The following TRIM37 variants were observed in gnomAD, a reference collection of about 807,000 sequenced individuals.
TRIM37 encodes E3 ubiquitin-protein ligase TRIM37.
Under a neutral mutation model 129.8 loss-of-function variants are expected in TRIM37, and 80 were observed. The ratio of observed to expected loss-of-function variants is 0.62; its 90% CI spans 0.51 to 0.74. TRIM37 has a LOEUF of 0.74. Among genes scored for constraint, TRIM37 ranks in the 30% least tolerant of loss-of-function variants. TRIM37 has a pLI of 0.00. For missense variants in TRIM37, 1,054 were observed against 1,176.5 expected, an observed-to-expected ratio of 0.90 and a Z score of 1.52; for synonymous variants, 389 against 387.1, an observed-to-expected ratio of 1.00 and a Z score of -0.06.
intron 19 of TRIM37, among the ~76,000 whole-genome samples, chr17:59,018,644 A>G (rs2036222853): frequency 6.6e-6 from 1 of 152,154 alleles, no homozygotes; most frequent in Non-Finnish European, 1.5e-5. Flanking sequence ...TGATTAGAAT[A>G]CTTAATACTG....
chr17:59,000,504 G>A (rs2033571999), intron 23 of TRIM37, among the ~76,000 whole-genome samples: 1 of 152,160 alleles, frequency 6.6e-6, no homozygotes, highest in Non-Finnish European at 1.5e-5. Context: ...AGGAGGCTGA[G>A]GTGGGAGAAT....
chr17:58,996,062 T>C (rs1485601756), downstream of TRIM37, among the ~76,000 whole-genome samples: 1 of 152,084 alleles, frequency 6.6e-6, no homozygotes, highest in Non-Finnish European at 1.5e-5. Context: ...TCAAAGTATC[T>C]GCCCCAAATA....
rs1914693980 is a variant in TRIM37 at position 59,010,547 on chromosome 17, G to C, written c.2695+1781C>G. Among the ~76,000 whole-genome samples the C allele has an allele frequency of 2.0e-5, 3 of 152,164 alleles. No homozygotes were observed. The South Asian group carries it at 6.2e-4, about 32-fold the overall frequency. ...CTCACTCTGTCGTCCAGGCTGGAGT[G>C]CAGTGGCGTGATCTCAGCTCACTGC... On this transcript the variant is annotated intron_variant, in intron 22 of 23. Transcript: ENST00000262294.
the TRIM37 span, among the ~76,000 whole-genome samples, chr17:58,973,520 A>G: frequency 5.4e-4 from 82 of 151,868 alleles, no homozygotes; most frequent in Admixed American, 5.4e-3. Context: ...TCTGCTTCAA[A>G]CCACAGTGGT....
chr17:59,093,148 T>C (rs549898664), intron 2 of TRIM37, among the ~76,000 whole-genome samples: 1 of 152,104 alleles, frequency 6.6e-6, no homozygotes, highest in East Asian at 1.9e-4. Flanking sequence ...TGATTCTGTC[T>C]CAAAAAATAA....
At chr17:59,027,703 C>G (rs753372246) in intron 19 of TRIM37, among the ~76,000 whole-genome samples, 1 of 152,160 alleles carries the variant, frequency 6.6e-6, no homozygotes, top group Non-Finnish European at 1.5e-5. Context: ...TATAAACACC[C>G]CTTATTTTTA....
chr17:59,075,334 C>A (rs913399255), intron 8 of TRIM37, among the ~76,000 whole-genome samples: 1 of 151,892 alleles, frequency 6.6e-6, no homozygotes, highest in Non-Finnish European at 1.5e-5. Flanking sequence ...GAGGCTGAGG[C>A]GGGCAGATCA....
chr17:58,970,407 T>C, the TRIM37 span, among the ~76,000 whole-genome samples: 9 of 152,186 alleles, frequency 5.9e-5, no homozygotes, highest in African/African-American at 1.2e-4. Context: ...CAGTGTTCTA[T>C]ATTGGATTTT....
intron 18 of TRIM37, among the ~76,000 whole-genome samples, chr17:59,030,515 T>C (rs2037733457): frequency 6.6e-6 from 1 of 152,226 alleles, no homozygotes; most frequent in African/African-American, 2.4e-5. Flanking sequence ...TTCTACTATT[T>C]TCCCCGCCCT....
At chr17:59,027,220 C>T (rs1308415344) in intron 19 of TRIM37, among the ~76,000 whole-genome samples, 1 of 152,016 alleles carries the variant, frequency 6.6e-6, no homozygotes, top group East Asian at 1.9e-4. Context: ...AAAAGAATAC[C>T]CAACTTTCTG....
At chr17:59,077,165 G>A (rs1424487296) in intron 7 of TRIM37, among the ~76,000 whole-genome samples, 1 of 151,880 alleles carries the variant, frequency 6.6e-6, no homozygotes, top group Non-Finnish European at 1.5e-5. Context: ...CGTGATCTCG[G>A]CTCACTGCAA....
intron 8 of TRIM37, among the ~76,000 whole-genome samples, chr17:59,072,775 T>C (rs960549465): frequency 1.3e-5 from 2 of 151,418 alleles, no homozygotes; most frequent in Non-Finnish European, 2.9e-5. Flanking sequence ...TCATATATCA[T>C]ATGATATATA....
Position 59,047,746 on chromosome 17 carries a change from C to T in TRIM37, c.1604G>A (p.Ser535Asn). The T allele has an allele frequency of 6.2e-7, 1 of 1,614,076 alleles. No individual in the cohort carries two copies. The highest frequency in any genetic ancestry group is 8.5e-7 in the Non-Finnish European group (1 of 1,180,000). Residue 535 changes from serine (S) to asparagine (N), a missense_variant, in exon 16 of 24, where the codon AGT becomes AAT. Physicochemically the swap from Ser to Asn is conservative, Grantham distance 46. Transcript: ENST00000262294. ...TGTTGCTGTGGAACTAGCAGAGGAA[C>T]TGCTGCCATCGAGCTGATTTACTTC... Reference protein sequence around the residue: ...EDEVNQLDGSSSSASSTATSN... With the variant: ...EDEVNQLDGSNSSASSTATSN...
chr17:59,004,457 CAT>C (rs928368136), intron 22 of TRIM37, among the ~76,000 whole-genome samples: 4 of 151,602 alleles, frequency 2.6e-5, no homozygotes, highest in Non-Finnish European at 4.4e-5. Flanking sequence ...TAATAAAAAA[CAT>C]AATAAAATCA....
intron 17 of TRIM37, 106 bp from the exon 18 acceptor site, chr17:59,032,196 T>A (rs2037924600): frequency 8.2e-7 from 1 of 1,214,950 alleles, no homozygotes; most frequent in Non-Finnish European, 1.2e-6. Context: ...TATGGACCTA[T>A]CTCTTAGGAG....
intron 18 of TRIM37, among the ~76,000 whole-genome samples, chr17:59,029,013 C>G (rs944087118): frequency 6.6e-6 from 1 of 152,098 alleles, no homozygotes; most frequent in Non-Finnish European, 1.5e-5. Context: ...CTTTAAACTT[C>G]TCCACTTTTC....
intron 22 of TRIM37, among the ~76,000 whole-genome samples, chr17:59,010,908 C>T (rs1371833291): frequency 2.0e-5 from 3 of 152,070 alleles, no homozygotes; most frequent in Non-Finnish European, 4.4e-5. Flanking sequence ...TGGTGGCTCA[C>T]GCCTGTAATC....
intron 24 of TRIM37, among the ~76,000 whole-genome samples, chr17:58,987,210 C>A (rs943386290): frequency 9.9e-5 from 15 of 152,226 alleles, no homozygotes; most frequent in Admixed American, 2.0e-4. Context: ...AAATGAGTAA[C>A]TGGAGTTTAA....
At chr17:59,024,168 C>T (rs1282360765) in intron 19 of TRIM37, among the ~76,000 whole-genome samples, 4 of 141,566 alleles carry the variant, frequency 2.8e-5, no homozygotes, top group Non-Finnish European at 4.5e-5. Context: ...GAGCCGAGAT[C>T]GCCCCATCGC....
Sources: gnomAD v4.1 joint callset for allele counts (sites outside exome capture counted in the v4.1 genomes callset) on GRCh38, gnomAD v4.1.1 for gene constraint, MANE v1.5 for transcripts, NCBI Gene and HGNC (gene_info 2026-07-23, HGNC 2026-07-21) for gene names.